The following GPC5 variants were observed in gnomAD, a reference collection of about 807,000 sequenced individuals.
GPC5 encodes the protein glypican-5.
GPC5 carries 47 observed loss-of-function variants against 53.9 expected under a neutral mutation model. The observed-to-expected ratio is 0.87, with a 90% CI of 0.69 to 1.11. GPC5 has a LOEUF of 1.11. GPC5 is among the 50% of genes most tolerant of loss of function. The pLI is 0.00. For synonymous variants in GPC5, 286 were observed against 263.3 expected (o/e 1.09, Z -0.84); for missense variants, 748 against 713.1 (o/e 1.05, Z -0.56).
chr13:91,996,069 C>T (rs954861416), intron 6 of GPC5: 1 of 152,214 alleles, frequency 6.6e-6, no homozygotes, highest in Non-Finnish European at 1.5e-5. Context: ...TTTACAGACT[C>T]AGGGGCAAAA....
In GPC5 at chr13:92,793,897, C is replaced by T. The variant is rs184944202; in HGVS notation, c.1562-72385C>T. 1.1e-3 allele frequency among the ~76,000 whole-genome samples: 173 copies of T among 152,080 alleles called. 1 individual carries two copies. The highest frequency in any genetic ancestry group is 4.0e-3 in the African/African-American group (167 of 41,490). On this transcript the variant is annotated intron_variant, in intron 7 of 7. Coordinates refer to ENST00000377067, the MANE Select transcript of GPC5 (RefSeq NM_004466.6). The stretch of plus-strand genomic sequence containing the variant: ...TGAAATTGAGGCAATAATTAATAGC[C>T]TACCAACCAAAAAAAGTCCAGGACC...
intron 6 of GPC5, among the ~76,000 whole-genome samples, chr13:91,953,461 T>C (rs1361448905): frequency 6.6e-6 from 1 of 152,000 alleles, no homozygotes; most frequent in African/African-American, 2.4e-5. Context: ...CAAACCAAAT[T>C]ACAAAATAAA....
chr13:92,111,135 A>G (rs1036803656), intron 6 of GPC5, among the ~76,000 whole-genome samples: 2 of 152,168 alleles, frequency 1.3e-5, no homozygotes, highest in African/African-American at 4.8e-5. Flanking sequence ...TATAGTTCTA[A>G]TATAGAGGCT....
chr13:91,797,828 G>A (rs962621303), intron 5 of GPC5, among the ~76,000 whole-genome samples: 1 of 152,128 alleles, frequency 6.6e-6, no homozygotes, highest in Non-Finnish European at 1.5e-5. Context: ...CGGTGGTCTT[G>A]TTATTTGGTT....
At chr13:91,471,590 A>G (rs1218731792) in intron 2 of GPC5, among the ~76,000 whole-genome samples, 2 of 152,146 alleles carry the variant, frequency 1.3e-5, no homozygotes, top group Admixed American at 1.3e-4. Context: ...GAAGAGCACC[A>G]TTAGAAAGAA....
intron 7 of GPC5, among the ~76,000 whole-genome samples, chr13:92,283,931 C>CA (rs1380516729): frequency 9.2e-5 from 14 of 152,030 alleles, no homozygotes; most frequent in Non-Finnish European, 1.5e-4. Context: ...AAAAACCCTT[C>CA]AAAAAATCAA....
rs144977102 is a variant in GPC5, at chr13:91,706,169, G to A, written c.1020+12288G>A. Among the ~76,000 whole-genome samples, 716 of 151,290 alleles carry A rather than the reference G, an allele frequency of 4.7e-3. 3 individuals are homozygous for A. The highest frequency in any genetic ancestry group is 0.016 in the African/African-American group (651 of 41,252). ...GTTGGGATTACAGGCATGAGCCACC[G>A]CACCTGGCCCTAGCTACATGTAATT... On this transcript the variant is annotated intron_variant, in intron 3 of 7. Coordinates refer to ENST00000377067, the MANE Select transcript of GPC5 (RefSeq NM_004466.6).
intron 7 of GPC5, among the ~76,000 whole-genome samples, chr13:92,224,629 T>G (rs1164721932): frequency 2.0e-5 from 3 of 152,234 alleles, no homozygotes; most frequent in Non-Finnish European, 4.4e-5. Flanking sequence ...TTTTTGTTTT[T>G]CATTTTCAGA....
intron 7 of GPC5, among the ~76,000 whole-genome samples, chr13:92,365,454 CTT>C (rs1369900223): frequency 1.3e-5 from 2 of 151,560 alleles, no homozygotes; most frequent in Non-Finnish European, 2.9e-5. Context: ...CTACACTAGA[CTT>C]TTAAAATATC....
At chr13:92,538,387 G>T (rs9516091) in intron 7 of GPC5, among the ~76,000 whole-genome samples, 1 of 147,066 alleles carries the variant, frequency 6.8e-6, no homozygotes, top group African/African-American at 2.5e-5. Flanking sequence ...CCTCTCTCTT[G>T]CTTCACTCCT....
At position 92,682,377 on chromosome 13, in the gene GPC5, A is replaced by G. The variant is rs570877028; in HGVS notation, c.1562-183905A>G. 3.3e-5 allele frequency among the ~76,000 whole-genome samples: 5 copies of G among 152,326 alleles called. No individual in the cohort carries two copies. The East Asian group carries it at 9.7e-4, about 29-fold the overall frequency. On this transcript the variant is annotated intron_variant, in intron 7 of 7. Coordinates refer to ENST00000377067, the MANE Select transcript of GPC5 (RefSeq NM_004466.6). Reference sequence around the variant, plus strand: ...ATTAATTTGTTAAAGTGCACGTAATAGGAGCCCTGCTATTTCTTCATAAGT... The same window carrying G: ...ATTAATTTGTTAAAGTGCACGTAATGGGAGCCCTGCTATTTCTTCATAAGT...
At chr13:92,270,423 T>C (rs537720194) in intron 7 of GPC5, among the ~76,000 whole-genome samples, 2 of 152,274 alleles carry the variant, frequency 1.3e-5, no homozygotes, top group South Asian at 4.1e-4. Context: ...CCTCTCTCTT[T>C]CTCCTGCTCC....
At chr13:91,543,507 C>T (rs1043301956) in intron 2 of GPC5, among the ~76,000 whole-genome samples, 1 of 147,954 alleles carries the variant, frequency 6.8e-6, no homozygotes, top group Non-Finnish European at 1.5e-5. Flanking sequence ...TTCTCAGTCT[C>T]TTAATCTTAC....
At chr13:92,604,620 A>G (rs1372350205) in intron 7 of GPC5, among the ~76,000 whole-genome samples, 1 of 152,224 alleles carries the variant, frequency 6.6e-6, no homozygotes, top group African/African-American at 2.4e-5. Context: ...ATTGTTTCTC[A>G]AACTGAGTGA....
chr13:92,713,881 T>C (rs1331914163), intron 7 of GPC5, among the ~76,000 whole-genome samples: 1 of 152,198 alleles, frequency 6.6e-6, no homozygotes, highest in Admixed American at 6.6e-5. Context: ...ACACCCGTTC[T>C]GGTAAGGAGT....
intron 7 of GPC5, among the ~76,000 whole-genome samples, chr13:92,522,538 G>C (rs898289847): frequency 6.6e-6 from 1 of 151,918 alleles, no homozygotes; most frequent in Non-Finnish European, 1.5e-5. Flanking sequence ...AAACACTGCA[G>C]GTTCTCACTC....
At chr13:91,616,003 T>C (rs1033468271) in intron 2 of GPC5, among the ~76,000 whole-genome samples, 1 of 152,094 alleles carries the variant, frequency 6.6e-6, no homozygotes, top group Admixed American at 6.6e-5. Context: ...AGAGAATTGA[T>C]TGAAATATTA....
chr13:91,599,320 C>T (rs532750739), intron 2 of GPC5, among the ~76,000 whole-genome samples: 3 of 152,076 alleles, frequency 2.0e-5, no homozygotes, highest in Non-Finnish European at 4.4e-5. Flanking sequence ...TATAACTACT[C>T]TTAACATTTG....
intron 6 of GPC5, among the ~76,000 whole-genome samples, chr13:92,076,995 C>T (rs1476897927): frequency 6.6e-6 from 1 of 152,314 alleles, no homozygotes; most frequent in Admixed American, 6.5e-5. Context: ...TTAACCTGAA[C>T]ATGCCCTTTC....
Sources: allele counts gnomAD v4.1 joint callset (sites outside exome capture counted in the v4.1 genomes callset), GRCh38; gene constraint gnomAD v4.1.1; transcripts MANE v1.5; gene names NCBI Gene and HGNC (gene_info 2026-07-23, HGNC 2026-07-21).